The following PTP4A2 variants were observed in gnomAD, a reference collection of about 807,000 sequenced individuals.
The protein encoded by PTP4A2 is protein tyrosine phosphatase 4A2.
Under a neutral mutation model 22.9 loss-of-function variants are expected in PTP4A2, and 2 were observed. That is an observed-to-expected ratio of 0.09 (90% CI 0.04 to 0.27). The LOEUF (loss-of-function observed/expected upper bound fraction) is 0.27. Among genes scored for constraint, PTP4A2 ranks in the 10% least tolerant of loss-of-function variants. PTP4A2 has a pLI of 1.00. For missense variants in PTP4A2, 103 were observed against 205.1 expected (o/e 0.50, Z 3.04); for synonymous variants, 68 against 69.1 (o/e 0.98, Z 0.08).
Position 31,908,252 on chromosome 1 carries a change from T to TA in PTP4A2, c.*599dup, listed in dbSNP as rs59372741. 8.7e-6 allele frequency: 1 copy of TA among 114,452 alleles called. No homozygotes were observed. The highest frequency in any genetic ancestry group is 1.8e-5 in the Non-Finnish European group (1 of 56,556). 7.1% of individuals were successfully genotyped at this position (114,452 alleles called of 1,614,324 possible). On this transcript the variant is annotated 3_prime_UTR_variant, in exon 6 of 6. Coordinates refer to ENST00000647444, the MANE Select transcript of PTP4A2 (RefSeq NM_080391.4). ...TTGTTTTTTGTTTTTTTTTTTTTTT[T>TA]ATCTAAAAGTGCCCAGGTGGGCTTA...
At position 31,913,683 on chromosome 1, in the gene PTP4A2, A is replaced by G. The variant is rs148845079; in HGVS notation, c.190-1857T>C. The G allele has an allele frequency of 6.1e-4, 231 of 381,702 alleles. 1 individual carries two copies. Among genetic ancestry groups the G allele is most frequent in the African/African-American group, 4.2e-3 (197 of 47,320 alleles). 23.6% of individuals were successfully genotyped at this position (381,702 alleles called of 1,614,324 possible). ...AGATCACAGCTATTTAAAACAAAAC[A>G]AAAACCTAAATTTAAAGGCCTGGAA... On this transcript the variant is annotated intron_variant, in intron 3 of 5. Coordinates refer to ENST00000647444, the MANE Select transcript of PTP4A2 (RefSeq NM_080391.4).
At chr1:31,930,865 T>C (rs1370502093) in intron 1 of PTP4A2, 1 of 152,180 alleles carries the variant, frequency 6.6e-6, no homozygotes, top group East Asian at 1.9e-4. Flanking sequence ...TCATACTACA[T>C]ATTAACGTGA....
chr1:31,922,951 A>T (rs1232429834), intron 1 of PTP4A2, among the ~76,000 whole-genome samples: 7 of 147,988 alleles, frequency 4.7e-5, no homozygotes, highest in African/African-American at 1.5e-4. Context: ...TTTTTTTTTG[A>T]GAGAGAGTCT....
rs114902497 is a variant in PTP4A2 at position 31,926,696 on chromosome 1, C to G, written c.-593-7038G>C. ...ATGTACTATGGGTCACATACTCTTA[C>G]AGGTGCAAGAGCAATAAGCAAAACA... On this transcript the variant is annotated intron_variant, in intron 1 of 5. Coordinates refer to ENST00000647444, the MANE Select transcript of PTP4A2 (RefSeq NM_080391.4). Among the ~76,000 whole-genome samples, 822 of 152,262 alleles carry G rather than the reference C, an allele frequency of 5.4e-3. 12 individuals carry two copies. Among genetic ancestry groups the G allele is most frequent in the African/African-American group, 0.019 (788 of 41,526 alleles).
Position 31,908,135 on chromosome 1 carries a change from T to TATA in PTP4A2, c.*716_*717insTAT, listed in dbSNP as rs1368827068. On this transcript the variant is annotated 3_prime_UTR_variant, in exon 6 of 6. Transcript: ENST00000647444. ...GAAAATATATATATATATATATATA[T>TATA]TATATTATATATATATATATATATA... 2.8e-3 allele frequency: 11 copies of TATA among 3,956 alleles called. No homozygotes were observed. The highest frequency in any genetic ancestry group is 0.022 in the African/African-American group (11 of 502). The allele number at this position is 3,956 out of a possible 1,614,324, so 0.2% of individuals were successfully genotyped here.
intron 3 of PTP4A2, chr1:31,914,219 A>G (rs1427003042): frequency 2.2e-6 from 1 of 454,544 alleles, no homozygotes; most frequent in Admixed American, 2.4e-5. Flanking sequence ...GGTGCATGCC[A>G]TCACGTCCAG....
In PTP4A2 at chr1:31,919,092, C is replaced by A. The variant is rs750406288; in HGVS notation, c.-27G>T. Reference sequence around the variant, plus strand: ...ATGGCAAATAAAAAGTGTGAGCGTGCGTGTGAGTGTGATGGGGAAAGTGAA... The same window carrying A: ...ATGGCAAATAAAAAGTGTGAGCGTGAGTGTGAGTGTGATGGGGAAAGTGAA... On this transcript the variant is annotated 5_prime_UTR_variant, in exon 2 of 6. Coordinates refer to ENST00000647444, the MANE Select transcript of PTP4A2 (RefSeq NM_080391.4). The A allele has an allele frequency of 2.6e-6, 3 of 1,156,424 alleles. No homozygotes were observed. The East Asian group carries it at 7.1e-5, about 27-fold the overall frequency. 71.6% of individuals were successfully genotyped at this position (1,156,424 alleles called of 1,614,324 possible).
At chr1:31,916,490 A>G (rs1651854824) in intron 2 of PTP4A2, among the ~76,000 whole-genome samples, 1 of 152,028 alleles carries the variant, frequency 6.6e-6, no homozygotes. Context: ...GCAGTGTGAG[A>G]CTCACCTTTC....
At chr1:31,922,594 CTTTCTTT>C (rs1652217447) in intron 1 of PTP4A2, among the ~76,000 whole-genome samples, 1 of 45,738 alleles carries the variant, frequency 2.2e-5, no homozygotes, top group East Asian at 7.9e-4. Context: ...TTGTTTCTTT[CTTTCTTT>C]CTTTCTTTCT....
chr1:31,922,841 C>T (rs542044419), intron 1 of PTP4A2, among the ~76,000 whole-genome samples: 2 of 151,954 alleles, frequency 1.3e-5, no homozygotes, highest in South Asian at 2.1e-4. Context: ...AGGCTGATCT[C>T]GAATTCCTGG....
At chr1:31,909,558 G>C (rs1360917442) in intron 5 of PTP4A2, among the ~76,000 whole-genome samples, 1 of 151,986 alleles carries the variant, frequency 6.6e-6, no homozygotes, top group African/African-American at 2.4e-5. Flanking sequence ...TGTAGTCCCA[G>C]CTACTTGAGA....
intron 1 of PTP4A2, among the ~76,000 whole-genome samples, chr1:31,923,815 G>A (rs1210635806): frequency 6.6e-6 from 1 of 152,202 alleles, no homozygotes; most frequent in African/African-American, 2.4e-5. Flanking sequence ...GGCCTCGTGA[G>A]CCACTAAGTC....
intron 3 of PTP4A2, among the ~76,000 whole-genome samples, chr1:31,912,455 G>A (rs1651588286): frequency 6.6e-6 from 1 of 152,208 alleles, no homozygotes; most frequent in Admixed American, 6.5e-5. Context: ...GGACAGGGCT[G>A]CATGACAGGG....
At position 31,934,135 on chromosome 1, in the gene PTP4A2, G is replaced by A. The variant is rs1019902520; in HGVS notation, c.-594+3852C>T. Among the ~76,000 whole-genome samples, 8 of 152,034 alleles carry A rather than the reference G, an allele frequency of 5.3e-5. No individual in the cohort carries two copies. The East Asian group carries it at 5.8e-4, about 11-fold the overall frequency. On this transcript the variant is annotated intron_variant, in intron 1 of 5. Transcript: ENST00000647444. ...TTAGCTGGGCGTGGTGGCGTGTGCCGGTAATCCAGCTACTCAGGAGGCTGA... is the reference window on the plus strand; with the variant it reads ...TTAGCTGGGCGTGGTGGCGTGTGCCAGTAATCCAGCTACTCAGGAGGCTGA...
In PTP4A2 at chr1:31,908,167, TATA is replaced by T. The variant is rs1651320799; in HGVS notation, c.*682_*684del. 4.7e-5 allele frequency: 1 copy of T among 21,444 alleles called. No homozygotes were observed. The highest frequency in any genetic ancestry group is 2.0e-4 in the African/African-American group (1 of 4,942). 1.3% of individuals were successfully genotyped at this position (21,444 alleles called of 1,614,324 possible). ...ATATATATATATATATATATATATA[TATA>T]TATATATATATATATATATATATAT... On this transcript the variant is annotated 3_prime_UTR_variant, in exon 6 of 6. Transcript: ENST00000647444.
At position 31,918,984 on chromosome 1, in the gene PTP4A2, T is replaced by C. The variant is rs368133258; in HGVS notation, c.82A>G (p.Asn28Asp). The change falls in exon 2 of 6, where the codon AAC becomes GAC. Residue 28 changes from asparagine (N) to aspartate (D), a missense_variant. Transcript: ENST00000647444. ...CACAATCTTACCTCTGTGAACTTGT[T>C]GAGAGTAGCATTGGTAGGGTTGTGA... ...ITHNPTNATL[N>D]KFTEELKKYG... The C allele has an allele frequency of 8.8e-6, 14 of 1,583,492 alleles. No individual in the cohort carries two copies. Among genetic ancestry groups the C allele is most frequent in the South Asian group, 1.1e-5 (1 of 90,464 alleles).
intron 1 of PTP4A2, among the ~76,000 whole-genome samples, chr1:31,934,421 A>G (rs867946594): frequency 7.2e-5 from 11 of 152,202 alleles, no homozygotes; most frequent in Admixed American, 4.6e-4. Context: ...TCCAAGACCA[A>G]GAGCAACAGC....
At chr1:31,913,539 C>T (rs1338784302) in intron 3 of PTP4A2, among the ~76,000 whole-genome samples, 2 of 151,986 alleles carry the variant, frequency 1.3e-5, no homozygotes, top group Non-Finnish European at 2.9e-5. Flanking sequence ...CAGCAGTGTA[C>T]AAGTGTTCCC....
At chr1:31,926,147 A>ATATATATAT (rs1243088060) in intron 1 of PTP4A2, among the ~76,000 whole-genome samples, 11 of 127,404 alleles carry the variant, frequency 8.6e-5, no homozygotes, top group African/African-American at 3.3e-4. Context: ...AAAAAAAAAA[A>ATATATATAT]AAATATATAT....
Sources: gnomAD v4.1 joint callset for allele counts (sites outside exome capture counted in the v4.1 genomes callset) on GRCh38, gnomAD v4.1.1 for gene constraint, MANE v1.5 for transcripts, NCBI Gene and HGNC (gene_info 2026-07-23, HGNC 2026-07-21) for gene names.